The following UNC5C variants were observed in gnomAD, a reference collection of about 807,000 sequenced individuals.
UNC5C encodes the protein netrin receptor UNC5C.
Under a neutral mutation model 99.8 loss-of-function variants are expected in UNC5C, and 47 were observed. The ratio of observed to expected loss-of-function variants is 0.47; its 90% CI spans 0.37 to 0.60. UNC5C has a LOEUF of 0.60. Ranked by LOEUF, UNC5C falls within the 20% of genes least tolerant of loss-of-function variation. The pLI, the probability that UNC5C is intolerant of heterozygous loss-of-function variation, is 0.00. For missense variants in UNC5C, 1,062 were observed against 1,165.9 expected (o/e 0.91, Z 1.30); for synonymous variants, 487 against 452.2 (o/e 1.08, Z -0.98).
intron 1 of UNC5C, among the ~76,000 whole-genome samples, chr4:95,532,289 C>T (rs1392985203): frequency 6.6e-6 from 1 of 152,050 alleles, no homozygotes; most frequent in Non-Finnish European, 1.5e-5. Context: ...TTGATTTCCA[C>T]CTACAACTTC....
At chr4:95,240,666 C>T (rs1427251386) in intron 7 of UNC5C, among the ~76,000 whole-genome samples, 2 of 152,146 alleles carry the variant, frequency 1.3e-5, no homozygotes, top group Non-Finnish European at 2.9e-5. Context: ...AAAAAATCTC[C>T]TCCTATAGCC....
At chr4:95,444,954 A>C (rs1747054369) in intron 1 of UNC5C, among the ~76,000 whole-genome samples, 1 of 152,200 alleles carries the variant, frequency 6.6e-6, no homozygotes, top group South Asian at 2.1e-4. Context: ...TTCCAATGGA[A>C]GCTTCATTGC....
chr4:95,320,733 G>T (rs1742658385), intron 2 of UNC5C, among the ~76,000 whole-genome samples: 1 of 152,192 alleles, frequency 6.6e-6, no homozygotes, highest in Non-Finnish European at 1.5e-5. Flanking sequence ...GCGTGGGCCT[G>T]AGGGTGGACA....
intron 1 of UNC5C, among the ~76,000 whole-genome samples, chr4:95,395,299 G>T (rs1745478896): frequency 6.6e-6 from 1 of 152,152 alleles, no homozygotes; most frequent in Non-Finnish European, 1.5e-5. Context: ...TAGTCTAGTT[G>T]TATGGTCAAA....
intron 1 of UNC5C, among the ~76,000 whole-genome samples, chr4:95,504,183 A>G (rs1025666223): frequency 1.3e-5 from 2 of 152,094 alleles, no homozygotes; most frequent in African/African-American, 4.8e-5. Context: ...GTAATATAAG[A>G]TGGCACTTCC....
Position 95,428,964 on chromosome 4 carries a change from C to T in UNC5C, c.125-93333G>A, listed in dbSNP as rs189635444. On this transcript the variant is annotated intron_variant, in intron 1 of 15. Transcript: ENST00000453304. Reference sequence around the variant, plus strand: ...TAACTGGAAACCCACTAAACAGCTCCTTTCTTTCATGGGCTGACTTTCAGC... The same window carrying T: ...TAACTGGAAACCCACTAAACAGCTCTTTTCTTTCATGGGCTGACTTTCAGC... Among the ~76,000 whole-genome samples, 212 of 152,130 alleles carry T rather than the reference C, an allele frequency of 1.4e-3. 1 individual carries two copies. In the Middle Eastern group the frequency reaches 0.02, roughly 15 times the overall value.
intron 1 of UNC5C, among the ~76,000 whole-genome samples, chr4:95,490,732 C>T (rs539872318): frequency 2.6e-4 from 39 of 151,666 alleles, no homozygotes; most frequent in Middle Eastern, 6.8e-3. Context: ...AAAGATAGGC[C>T]GTTAACTCTG....
At chr4:95,523,536 T>C (rs1299394905) in intron 1 of UNC5C, among the ~76,000 whole-genome samples, 2 of 152,088 alleles carry the variant, frequency 1.3e-5, no homozygotes, top group African/African-American at 2.4e-5. Context: ...GGGGTATAGC[T>C]TGTGAAAGAA....
chr4:95,363,801 C>T (rs866122032), intron 1 of UNC5C, among the ~76,000 whole-genome samples: 36 of 152,184 alleles, frequency 2.4e-4, no homozygotes, highest in Admixed American at 2.0e-4. Context: ...TGAGGCCTCA[C>T]TCCAGGAGTC....
chr4:95,175,257 T>G (rs1414115975), intron 14 of UNC5C, among the ~76,000 whole-genome samples: 68 of 150,986 alleles, frequency 4.5e-4, no homozygotes, highest in Non-Finnish European at 6.8e-4. Flanking sequence ...AAAGTTAATA[T>G]TGTTATGTGT....
chr4:95,266,580 G>A (rs977445956), intron 4 of UNC5C, among the ~76,000 whole-genome samples: 3 of 152,030 alleles, frequency 2.0e-5, no homozygotes, highest in Non-Finnish European at 4.4e-5. Flanking sequence ...TTATAGTTTC[G>A]CTGTTACTGC....
At chr4:95,386,344 A>T (rs1458018421) in intron 1 of UNC5C, among the ~76,000 whole-genome samples, 1 of 152,038 alleles carries the variant, frequency 6.6e-6, no homozygotes, top group Non-Finnish European at 1.5e-5. Flanking sequence ...CATTAGGTAT[A>T]TCTCCCAATG....
intron 4 of UNC5C, among the ~76,000 whole-genome samples, chr4:95,275,662 G>T (rs1740834898): frequency 6.6e-6 from 1 of 152,158 alleles, no homozygotes; most frequent in South Asian, 2.1e-4. Context: ...AGCCAAAGTG[G>T]TATATCAAAA....
chr4:95,182,137 A>G (rs924673045), intron 14 of UNC5C, among the ~76,000 whole-genome samples: 1 of 152,196 alleles, frequency 6.6e-6, no homozygotes, highest in Non-Finnish European at 1.5e-5. Flanking sequence ...AAGGAAGGTC[A>G]TGGGCACTTC....
intron 1 of UNC5C, among the ~76,000 whole-genome samples, chr4:95,442,831 CACACAT>C (rs1026358233): frequency 9.2e-5 from 14 of 151,926 alleles, no homozygotes; most frequent in African/African-American, 1.9e-4. Context: ...CACACACACA[CACACAT>C]ACACACACAA....
At chr4:95,416,490 C>T (rs941634337) in intron 1 of UNC5C, among the ~76,000 whole-genome samples, 3 of 152,082 alleles carry the variant, frequency 2.0e-5, no homozygotes, top group East Asian at 1.9e-4. Flanking sequence ...TATGATGGCA[C>T]TCCTCTGCTG....
chr4:95,228,890 G>A (rs1052843905), intron 7 of UNC5C, among the ~76,000 whole-genome samples: 3 of 152,160 alleles, frequency 2.0e-5, no homozygotes, highest in African/African-American at 7.2e-5. Context: ...AGTGTCTTCT[G>A]TTACAAGTGT....
chr4:95,486,298 A>T (rs2149479792), intron 1 of UNC5C, among the ~76,000 whole-genome samples: 1 of 151,868 alleles, frequency 6.6e-6, no homozygotes, highest in Admixed American at 6.6e-5. Flanking sequence ...TAAGACTTAG[A>T]TTATATGTAT....
Position 95,388,607 on chromosome 4 carries a change from T to G in UNC5C, c.125-52976A>C, listed in dbSNP as rs369075523. On this transcript the variant is annotated intron_variant, in intron 1 of 15. Transcript: ENST00000453304. ...TTAACTCCTGGTGATGAGTTTCAAG[T>G]GTAATGATGCCTGTGGTTCCACTAG... Among the ~76,000 whole-genome samples, 39 of 152,300 alleles carry G rather than the reference T, an allele frequency of 2.6e-4. No homozygotes were observed. The East Asian group carries it at 5.0e-3, about 20-fold the overall frequency.
Sources: allele counts gnomAD v4.1 joint callset (sites outside exome capture counted in the v4.1 genomes callset), GRCh38; gene constraint gnomAD v4.1.1; transcripts MANE v1.5; gene names NCBI Gene and HGNC (gene_info 2026-07-23, HGNC 2026-07-21).